The following TENM2 variants were observed in gnomAD, a reference collection of about 807,000 sequenced individuals.
TENM2 encodes teneurin transmembrane protein 2.
A neutral mutation model predicts 245.2 loss-of-function variants in TENM2; 52 were observed. The ratio of observed to expected loss-of-function variants is 0.21; its 90% CI spans 0.17 to 0.27. The LOEUF is 0.27. TENM2 is among the 10% of genes least tolerant of loss of function. The pLI is 1.00. For missense variants in TENM2, 3,046 were observed against 3,666.8 expected (o/e 0.83, Z 4.37); for synonymous variants, 1,363 against 1,438.9 (o/e 0.95, Z 1.19).
chr5:167,089,073 A>G, the TENM2 span, among the ~76,000 whole-genome samples: 1 of 152,224 alleles, frequency 6.6e-6, no homozygotes, highest in Non-Finnish European at 1.5e-5. Context: ...AATGAAACAA[A>G]TGGAAAGTCT....
chr5:168,126,848 C>G, exon 12 of TENM2: 1 of 1,610,674 alleles, frequency 6.2e-7, no homozygotes, highest in Non-Finnish European at 8.5e-7. Flanking sequence ...GTGACCAGCG[C>G]GTGTGCCACC....
chr5:167,489,733 T>G (rs952854455), intron 2 of TENM2, among the ~76,000 whole-genome samples: 5 of 152,222 alleles, frequency 3.3e-5, no homozygotes, highest in African/African-American at 1.2e-4. Context: ...CAGTATGTAC[T>G]GGATATACAT....
At chr5:168,083,180 A>G (rs1792152242) in intron 7 of TENM2, among the ~76,000 whole-genome samples, 1 of 152,098 alleles carries the variant, frequency 6.6e-6, no homozygotes, top group African/African-American at 2.4e-5. Flanking sequence ...CCTCGCTGCC[A>G]CCTTGCTGTT....
chr5:167,626,496 C>A lies in TENM2; in HGVS notation c.503-249490C>A, dbSNP rs924978461. ...AAAGAAAGCAGAAACATGACTAGGTCAGTAGCTTATAAACATGAATTTTGC... is the reference window on the plus strand; with the variant it reads ...AAAGAAAGCAGAAACATGACTAGGTAAGTAGCTTATAAACATGAATTTTGC... On this transcript the variant is annotated intron_variant, in intron 2 of 28. Transcript: ENST00000518659. Among the ~76,000 whole-genome samples, 34 of 152,184 alleles carry A rather than the reference C, an allele frequency of 2.2e-4. 1 individual carries two copies. Among genetic ancestry groups the A allele is most frequent in the Non-Finnish European group, 7.3e-5 (5 of 68,042 alleles).
intron 2 of TENM2, among the ~76,000 whole-genome samples, chr5:167,664,009 T>G (rs933505325): frequency 6.6e-6 from 1 of 152,238 alleles, no homozygotes; most frequent in African/African-American, 2.4e-5. Flanking sequence ...TTCTGCTCAA[T>G]ACTGCTCATG....
At chr5:167,255,063 C>A in the TENM2 span, among the ~76,000 whole-genome samples, 1 of 142,656 alleles carries the variant, frequency 7.0e-6, no homozygotes, top group South Asian at 2.2e-4. Flanking sequence ...GAATGTATTT[C>A]TTTTCTTTTC....
At position 168,152,996 on chromosome 5, in the gene TENM2, C is replaced by A. The variant is rs536672247; in HGVS notation, c.2423-9615C>A. Reference sequence around the variant, plus strand: ...TTTTCCTTTTACCTGGCTGTTGAATCAAGAACACAGTGAAGCAGCAATGAA... The same window carrying A: ...TTTTCCTTTTACCTGGCTGTTGAATAAAGAACACAGTGAAGCAGCAATGAA... On this transcript the variant is annotated intron_variant, in intron 12 of 28. Coordinates refer to ENST00000518659, the Ensembl canonical transcript of TENM2. Among the ~76,000 whole-genome samples the A allele has an allele frequency of 2.3e-4, 35 of 152,286 alleles. 1 individual carries two copies. Among genetic ancestry groups the A allele is most frequent in the African/African-American group, 8.2e-4 (34 of 41,554 alleles).
chr5:167,173,420 T>C, the TENM2 span, among the ~76,000 whole-genome samples: 1 of 152,240 alleles, frequency 6.6e-6, no homozygotes, highest in East Asian at 1.9e-4. Flanking sequence ...CTGTAGAGGT[T>C]CCCAGATGGG....
chr5:168,248,117 C>A (rs1766759112), exon 27 of TENM2: 1 of 1,613,940 alleles, frequency 6.2e-7, no homozygotes, highest in Non-Finnish European at 8.5e-7. Flanking sequence ...CAGTACACGG[C>A]CTATGGGGAG....
chr5:167,550,747 T>A (rs2127620789), intron 2 of TENM2, among the ~76,000 whole-genome samples: 1 of 111,946 alleles, frequency 8.9e-6, no homozygotes, highest in South Asian at 3.0e-4. Flanking sequence ...TGTGTGTGTG[T>A]GTGATGGAGT....
At chr5:167,408,129 A>T (rs1762728251) in intron 2 of TENM2, among the ~76,000 whole-genome samples, 1 of 152,112 alleles carries the variant, frequency 6.6e-6, no homozygotes, top group Admixed American at 6.6e-5. Context: ...TAGCAAATTG[A>T]CATTGAAAAC....
chr5:167,556,740 G>T lies in TENM2; in HGVS notation c.502+181267G>T, dbSNP rs150505438. Among the ~76,000 whole-genome samples, 216 of 152,166 alleles carry T rather than the reference G, an allele frequency of 1.4e-3. 1 individual carries two copies. The highest frequency in any genetic ancestry group is 5.1e-3 in the African/African-American group (211 of 41,510). ...GTGTCAATGCTTTTGATGTATACTGGCTGCCTAGGACATTGGGGTGAGAAG... is the reference window on the plus strand; with the variant it reads ...GTGTCAATGCTTTTGATGTATACTGTCTGCCTAGGACATTGGGGTGAGAAG... On this transcript the variant is annotated intron_variant, in intron 2 of 28. Coordinates refer to ENST00000518659, the Ensembl canonical transcript of TENM2.
At chr5:166,986,346 C>G in the TENM2 span, among the ~76,000 whole-genome samples, 1 of 152,114 alleles carries the variant, frequency 6.6e-6, no homozygotes, top group African/African-American at 2.4e-5. Context: ...TTTTTTTACT[C>G]TGCTCTCAGT....
the TENM2 span, among the ~76,000 whole-genome samples, chr5:167,196,351 G>T: frequency 6.6e-6 from 1 of 151,702 alleles, no homozygotes; most frequent in Non-Finnish European, 1.5e-5. Flanking sequence ...GCACATAATT[G>T]TATTAACCTT....
intron 2 of TENM2, among the ~76,000 whole-genome samples, chr5:167,577,227 AG>A (rs1220112691): frequency 6.6e-6 from 1 of 152,196 alleles, no homozygotes; most frequent in African/African-American, 2.4e-5. Context: ...CAATAGTGAA[AG>A]GGAAGTGTAT....
chr5:167,711,510 C>G (rs1758905743), intron 2 of TENM2, among the ~76,000 whole-genome samples: 1 of 151,968 alleles, frequency 6.6e-6, no homozygotes, highest in Non-Finnish European at 1.5e-5. Context: ...TTCCAGCAAT[C>G]TGCTTTACAG....
rs1057382551 is a variant in TENM2, at chr5:167,510,404, C to T, written c.502+134931C>T. ...AATTTCCAAGTTATACTGAAGCAAG[C>T]GAGCACCCATTTGTAGAGCTCACCT... On this transcript the variant is annotated intron_variant, in intron 2 of 28. Transcript: ENST00000518659. Among the ~76,000 whole-genome samples the T allele has an allele frequency of 1.6e-4, 24 of 152,224 alleles. No homozygotes were observed. In the East Asian group the frequency reaches 4.1e-3, roughly 26 times the overall value.
At chr5:167,893,306 T>C (rs532453388) in intron 3 of TENM2, among the ~76,000 whole-genome samples, 2 of 152,302 alleles carry the variant, frequency 1.3e-5, no homozygotes, top group South Asian at 2.1e-4. Flanking sequence ...CCCTCCAAAA[T>C]TGGTCAGACC....
the TENM2 span, among the ~76,000 whole-genome samples, chr5:167,027,706 A>G: frequency 6.6e-6 from 1 of 152,236 alleles, no homozygotes. Context: ...GAAGAATGAA[A>G]TATCATCTAA....
Sources: gnomAD v4.1 joint callset for allele counts (sites outside exome capture counted in the v4.1 genomes callset) on GRCh38, gnomAD v4.1.1 for gene constraint, MANE v1.5 for transcripts, NCBI Gene and HGNC (gene_info 2026-07-23, HGNC 2026-07-21) for gene names.